Variants in ILRUN observed in about 807,000 individuals in gnomAD.
ILRUN encodes the protein inflammation and lipid regulator with UBA-like and NBR1-like domains.
Under a neutral mutation model 33.8 loss-of-function variants are expected in ILRUN, and 3 were observed. That is an observed-to-expected ratio of 0.09 (90% confidence interval 0.04 to 0.23). The LOEUF is 0.23. ILRUN is among the 10% of genes least tolerant of loss of function. ILRUN has a pLI of 1.00. For synonymous variants in ILRUN, 124 were observed against 138.9 expected (o/e 0.89, Z 0.75); for missense variants, 210 against 375.1 (o/e 0.56, Z 3.64).
chr6:34,613,460 T>C (rs1355608167), intron 3 of ILRUN, among the ~76,000 whole-genome samples: 1 of 152,178 alleles, frequency 6.6e-6, no homozygotes, highest in Non-Finnish European at 1.5e-5. Context: ...CATCTACAAT[T>C]TCTCCAGTAA....
At chr6:34,643,201 A>G (rs917723658) in intron 3 of ILRUN, among the ~76,000 whole-genome samples, 1 of 151,860 alleles carries the variant, frequency 6.6e-6, no homozygotes, top group African/African-American at 2.4e-5. Context: ...CGGGAGGCTG[A>G]GGCAGGACAA....
chr6:34,645,844 G>A (rs1404261998), intron 3 of ILRUN, among the ~76,000 whole-genome samples: 1 of 152,184 alleles, frequency 6.6e-6, no homozygotes, highest in African/African-American at 2.4e-5. Flanking sequence ...AACCATGAAT[G>A]GGGCCCAACT....
intron 1 of ILRUN, among the ~76,000 whole-genome samples, chr6:34,670,338 T>C (rs968710728): frequency 6.6e-6 from 1 of 152,078 alleles, no homozygotes; most frequent in South Asian, 2.1e-4. Context: ...TAAAACTGGA[T>C]TGGGGTGATG....
intron 1 of ILRUN, among the ~76,000 whole-genome samples, chr6:34,676,994 CAATT>C (rs536805852): frequency 1.6e-3 from 174 of 109,888 alleles, no homozygotes; most frequent in Middle Eastern, 4.3e-3. Flanking sequence ...TTTTATGTCA[CAATT>C]AAAAAAAAAA....
At chr6:34,672,880 C>T (rs1480205306) in intron 1 of ILRUN, among the ~76,000 whole-genome samples, 1 of 152,014 alleles carries the variant, frequency 6.6e-6, no homozygotes, top group Admixed American at 6.6e-5. Flanking sequence ...AAGGGCTCAC[C>T]AAAGCTGAAC....
At chr6:34,693,466 T>C (rs1350957758) in intron 1 of ILRUN, among the ~76,000 whole-genome samples, 2 of 151,660 alleles carry the variant, frequency 1.3e-5, no homozygotes, top group African/African-American at 2.4e-5. Context: ...GTGATCTTCC[T>C]ACCTCAGGCT....
chr6:34,647,403 T>C (rs1043107814), intron 2 of ILRUN, among the ~76,000 whole-genome samples: 1 of 152,072 alleles, frequency 6.6e-6, no homozygotes, highest in African/African-American at 2.4e-5. Flanking sequence ...CCTTGGGTGG[T>C]AGTGAAAATA....
At chr6:34,663,326 A>T (rs990915567) in intron 1 of ILRUN, among the ~76,000 whole-genome samples, 1 of 152,096 alleles carries the variant, frequency 6.6e-6, no homozygotes, top group African/African-American at 2.4e-5. Context: ...AGAAGGCTGA[A>T]GTGGAAAGAT....
intron 3 of ILRUN, among the ~76,000 whole-genome samples, chr6:34,614,458 AAT>A (rs1272514383): frequency 0.01 from 1,463 of 141,026 alleles, 32 homozygotes; most frequent in African/African-American, 0.024. Context: ...ATATATATAA[AAT>A]GTATATTATA....
chr6:34,618,338 A>G (rs919791279), intron 3 of ILRUN, among the ~76,000 whole-genome samples: 3 of 152,312 alleles, frequency 2.0e-5, no homozygotes, highest in South Asian at 4.1e-4. Flanking sequence ...TCGTACCAAT[A>G]ATGCTTCCAG....
intron 3 of ILRUN, among the ~76,000 whole-genome samples, chr6:34,637,577 G>A (rs1019755828): frequency 6.6e-6 from 1 of 152,084 alleles, no homozygotes; most frequent in African/African-American, 2.4e-5. Flanking sequence ...GGTAAGTTGA[G>A]GAGTAAGAAA....
chr6:34,683,453 CATATATATACAT>C (rs1763430143), intron 1 of ILRUN, among the ~76,000 whole-genome samples: 1 of 96,616 alleles, frequency 1.0e-5, no homozygotes, highest in Non-Finnish European at 2.0e-5. Flanking sequence ...TATATATATA[CATATATATACAT>C]ATATATACAC....
intron 1 of ILRUN, among the ~76,000 whole-genome samples, chr6:34,683,752 T>C (rs1344964471): frequency 6.6e-6 from 1 of 151,840 alleles, no homozygotes. Context: ...CTTGAATTAA[T>C]TGCCAACATT....
chr6:34,676,018 C>A (rs1763221034), intron 1 of ILRUN, among the ~76,000 whole-genome samples: 1 of 152,136 alleles, frequency 6.6e-6, no homozygotes, highest in Non-Finnish European at 1.5e-5. Context: ...TGACCAACCA[C>A]AATGGACATC....
chr6:34,594,177 T>A (rs955730939), intron 4 of ILRUN, among the ~76,000 whole-genome samples: 1 of 152,202 alleles, frequency 6.6e-6, no homozygotes, highest in Non-Finnish European at 1.5e-5. Flanking sequence ...CTGGAATCAA[T>A]GAAATATCTT....
At chr6:34,616,878 T>A in intron 3 of ILRUN, 1 of 663,532 alleles carries the variant, frequency 1.5e-6, no homozygotes, top group East Asian at 3.1e-5. Flanking sequence ...AATGGAACTT[T>A]TGTGAAGCTC....
At chr6:34,694,326 G>A (rs904618761) in intron 1 of ILRUN, among the ~76,000 whole-genome samples, 1 of 152,146 alleles carries the variant, frequency 6.6e-6, no homozygotes, top group Non-Finnish European at 1.5e-5. Flanking sequence ...ACAAGGGGTT[G>A]GGAGAAATAA....
intron 4 of ILRUN, among the ~76,000 whole-genome samples, chr6:34,603,665 C>T (rs771893283): frequency 1.3e-5 from 2 of 152,240 alleles, no homozygotes; most frequent in South Asian, 2.1e-4. Context: ...AAACACAAAA[C>T]CCAAAACACA....
At chr6:34,681,242 C>T (rs1374073179) in intron 1 of ILRUN, among the ~76,000 whole-genome samples, 1 of 151,988 alleles carries the variant, frequency 6.6e-6, no homozygotes, top group Non-Finnish European at 1.5e-5. Flanking sequence ...CTTGACAGAC[C>T]TCAGGCTCAA....
Sources: gnomAD v4.1 joint callset for allele counts (sites outside exome capture counted in the v4.1 genomes callset) on GRCh38, gnomAD v4.1.1 for gene constraint, MANE v1.5 for transcripts, NCBI Gene and HGNC (gene_info 2026-07-23, HGNC 2026-07-21) for gene names.